Variants in RBMS3 observed in about 807,000 individuals in gnomAD.
The protein encoded by RBMS3 is RNA-binding motif, single-stranded-interacting protein 3.
Under a neutral mutation model 66.8 loss-of-function variants are expected in RBMS3, and 27 were observed. The ratio of observed to expected loss-of-function variants is 0.40; its 90% CI spans 0.30 to 0.56. The LOEUF (loss-of-function observed/expected upper bound fraction) is 0.56, where lower values mean the gene tolerates loss of function less well. RBMS3 is among the 20% of genes least tolerant of loss of function. The pLI is 0.40. For missense variants in RBMS3, 513 were observed against 549.5 expected (o/e 0.93, Z 0.66); for synonymous variants, 188 against 183.0 (o/e 1.03, Z -0.22).
At chr3:29,930,238 A>C (rs1484624499) in intron 10 of RBMS3, among the ~76,000 whole-genome samples, 1 of 148,832 alleles carries the variant, frequency 6.7e-6, no homozygotes, top group African/African-American at 2.5e-5. Flanking sequence ...CAGCCTCCGA[A>C]GTAGCTGGGA....
At chr3:29,939,433 T>C (rs920322350) in intron 11 of RBMS3, among the ~76,000 whole-genome samples, 3 of 151,934 alleles carry the variant, frequency 2.0e-5, no homozygotes, top group African/African-American at 7.2e-5. Context: ...ATGGATGCCT[T>C]GTCTGAAGAG....
intron 1 of RBMS3, among the ~76,000 whole-genome samples, chr3:29,337,984 AG>A (rs2036052550): frequency 6.6e-6 from 1 of 152,152 alleles, no homozygotes; most frequent in Non-Finnish European, 1.5e-5. Context: ...TATAAATGGA[AG>A]GGACTCATCT....
chr3:30,009,929 A>AATT lies in RBMS3; in HGVS notation c.*6071_*6073dup, dbSNP rs1699914758. ...TTCCATGCTTTTCAGGAACTGTAAA[A>AATT]ATTATTTCAAAAAGATATTTGAAAA... On this transcript the variant is annotated 3_prime_UTR_variant, in exon 15 of 15. Coordinates refer to ENST00000383767, the MANE Select transcript of RBMS3 (RefSeq NM_001003793.3). 6.6e-6 allele frequency: 1 copy of AATT among 151,116 alleles called. No homozygotes were observed. The highest frequency in any genetic ancestry group is 6.6e-5 in the Admixed American group (1 of 15,056). The allele number at this position is 151,116 out of a possible 1,614,324, so 9.4% of individuals were successfully genotyped here.
chr3:30,000,198 G>GA (rs546698467), intron 14 of RBMS3, among the ~76,000 whole-genome samples: 2,333 of 151,708 alleles, frequency 0.015, 29 homozygotes, highest in African/African-American at 0.03. Context: ...AAATTTACAA[G>GA]AAAAAAACAA....
At chr3:29,708,384 C>T (rs1246305460) in intron 4 of RBMS3, among the ~76,000 whole-genome samples, 1 of 152,086 alleles carries the variant, frequency 6.6e-6, no homozygotes, top group Non-Finnish European at 1.5e-5. Flanking sequence ...CTATTTTTGG[C>T]TCTAAATGTA....
chr3:29,547,764 G>A (rs1435032500), intron 3 of RBMS3, among the ~76,000 whole-genome samples: 1 of 150,990 alleles, frequency 6.6e-6, no homozygotes, highest in Non-Finnish European at 1.5e-5. Flanking sequence ...GCAGAGTCAG[G>A]TCATACTAAA....
chr3:29,483,319 AAAAAAAG>A (rs1559399789), intron 2 of RBMS3, among the ~76,000 whole-genome samples: 2 of 151,474 alleles, frequency 1.3e-5, no homozygotes, highest in Non-Finnish European at 3.0e-5. Flanking sequence ...CAAAAAAAAA[AAAAAAAG>A]AAAAAAGAAA....
chr3:29,969,084 T>C (rs1259429310), intron 12 of RBMS3, among the ~76,000 whole-genome samples: 1 of 152,142 alleles, frequency 6.6e-6, no homozygotes, highest in Admixed American at 6.5e-5. Flanking sequence ...ATTAGGCAAA[T>C]TGGATTTGGA....
At chr3:29,637,783 A>T (rs1157805845) in intron 4 of RBMS3, among the ~76,000 whole-genome samples, 1 of 151,920 alleles carries the variant, frequency 6.6e-6, no homozygotes, top group Non-Finnish European at 1.5e-5. Flanking sequence ...GCCCATAACA[A>T]CATGGGCACT....
chr3:29,937,603 G>A (rs2061299739), intron 11 of RBMS3, among the ~76,000 whole-genome samples: 1 of 151,964 alleles, frequency 6.6e-6, no homozygotes, highest in African/African-American at 2.4e-5. Flanking sequence ...CTCAGTTGCA[G>A]AACCTGTAAA....
At chr3:29,742,671 G>T (rs191353536) in intron 5 of RBMS3, among the ~76,000 whole-genome samples, 1 of 152,114 alleles carries the variant, frequency 6.6e-6, no homozygotes, top group African/African-American at 2.4e-5. Flanking sequence ...CGATTACAAT[G>T]AATTCATTGT....
chr3:29,432,278 G>T (rs1483235660), intron 1 of RBMS3, among the ~76,000 whole-genome samples: 1 of 152,154 alleles, frequency 6.6e-6, no homozygotes, highest in African/African-American at 2.4e-5. Flanking sequence ...ATGGAGACTG[G>T]CAGAACAACA....
chr3:29,746,896 CTG>C (rs2054923156), intron 5 of RBMS3, among the ~76,000 whole-genome samples: 1 of 152,286 alleles, frequency 6.6e-6, no homozygotes, highest in African/African-American at 2.4e-5. Flanking sequence ...ATAATGCCCT[CTG>C]TGAAATGCGG....
intron 3 of RBMS3, among the ~76,000 whole-genome samples, chr3:29,526,543 AAAAAAAAAAAAAAAAAAAAAAAAAG>A (rs1201998653): frequency 8.4e-6 from 1 of 119,106 alleles, no homozygotes; most frequent in African/African-American, 3.3e-5. Context: ...AAAAAAAAAA[AAAAAAAAAAAAAAAAAAAAAAAAAG>A]TTTGAGAAGC....
chr3:29,443,370 T>A (rs1311268377), intron 2 of RBMS3, among the ~76,000 whole-genome samples: 1 of 152,050 alleles, frequency 6.6e-6, no homozygotes, highest in Non-Finnish European at 1.5e-5. Context: ...GATTGGTAAG[T>A]TTTTCCATAT....
intron 4 of RBMS3, among the ~76,000 whole-genome samples, chr3:29,597,047 A>G (rs977468384): frequency 1.3e-5 from 2 of 152,184 alleles, no homozygotes; most frequent in Non-Finnish European, 2.9e-5. Context: ...CAAGATGGAC[A>G]TCTTTGTTTC....
At chr3:29,551,608 G>A (rs989397615) in intron 3 of RBMS3, among the ~76,000 whole-genome samples, 2 of 152,154 alleles carry the variant, frequency 1.3e-5, no homozygotes, top group African/African-American at 4.8e-5. Flanking sequence ...TTTGTAAGTG[G>A]CAAGTTTTCA....
intron 4 of RBMS3, among the ~76,000 whole-genome samples, chr3:29,735,171 T>A (rs1197766850): frequency 1.3e-5 from 2 of 152,174 alleles, no homozygotes; most frequent in Non-Finnish European, 2.9e-5. Flanking sequence ...TCTACAAGTA[T>A]TCATTTGCTT....
intron 3 of RBMS3, among the ~76,000 whole-genome samples, chr3:29,495,616 C>T (rs1445567850): frequency 2.6e-5 from 4 of 151,598 alleles, no homozygotes; most frequent in African/African-American, 9.7e-5. Flanking sequence ...GACAAGGTTT[C>T]ACCATGTGGG....
Sources: allele counts gnomAD v4.1 joint callset (sites outside exome capture counted in the v4.1 genomes callset), GRCh38; gene constraint gnomAD v4.1.1; transcripts MANE v1.5; gene names NCBI Gene and HGNC (gene_info 2026-07-23, HGNC 2026-07-21).